The following ETFA variants were observed in gnomAD, a reference collection of about 807,000 sequenced individuals.
ETFA encodes electron transfer flavoprotein subunit alpha.
A neutral mutation model predicts 46.2 loss-of-function variants in ETFA; 22 were observed. The observed-to-expected ratio is 0.48, with a 90% CI of 0.34 to 0.68. The LOEUF is 0.68. ETFA is among the 30% of genes least tolerant of loss of function. The pLI, the probability that ETFA is intolerant of heterozygous loss-of-function variation, is 0.01. For missense variants in ETFA, 345 were observed against 401.1 expected, an observed-to-expected ratio of 0.86 and a Z score of 1.19; for synonymous variants, 131 against 139.9, an observed-to-expected ratio of 0.94 and a Z score of 0.45.
chr15:76,273,182 A>C (rs1250466995), intron 9 of ETFA, among the ~76,000 whole-genome samples: 1 of 152,178 alleles, frequency 6.6e-6, no homozygotes, highest in South Asian at 2.1e-4. Context: ...TGTAGGTTAT[A>C]TAAAAAACTC....
intron 9 of ETFA, among the ~76,000 whole-genome samples, chr15:76,256,262 GAAAAAA>G (rs59670988): frequency 1.0e-5 from 1 of 95,714 alleles, no homozygotes; most frequent in African/African-American, 3.8e-5. Context: ...CCGTCTCAAG[GAAAAAA>G]AAAAAAAAAA....
intron 4 of ETFA, among the ~76,000 whole-genome samples, chr15:76,288,413 T>C (rs962919356): frequency 1.3e-5 from 2 of 151,952 alleles, no homozygotes; most frequent in African/African-American, 2.4e-5. Flanking sequence ...ATTGATATTG[T>C]ATAAAAAAAA....
At chr15:76,222,935 C>T (rs764942094) in intron 11 of ETFA, among the ~76,000 whole-genome samples, 4 of 151,688 alleles carry the variant, frequency 2.6e-5, no homozygotes, top group Non-Finnish European at 5.9e-5. Context: ...CCTGGGCCCA[C>T]GTGAACCTCC....
intron 11 of ETFA, among the ~76,000 whole-genome samples, chr15:76,219,575 C>A (rs1200511359): frequency 1.3e-5 from 2 of 152,204 alleles, no homozygotes; most frequent in Non-Finnish European, 2.9e-5. Flanking sequence ...GAAATCATAT[C>A]TCTGATAAGT....
At chr15:76,301,537 C>T (rs3927264) in intron 1 of ETFA, among the ~76,000 whole-genome samples, 42,951 of 151,916 alleles carry the variant, frequency 0.28, 6,483 homozygotes, top group East Asian at 0.57. Flanking sequence ...AGAGTGAAAC[C>T]CCATTTCTCC....
intron 9 of ETFA, among the ~76,000 whole-genome samples, chr15:76,232,331 T>G (rs936490726): frequency 6.6e-6 from 1 of 152,352 alleles, no homozygotes; most frequent in Non-Finnish European, 1.5e-5. Context: ...TTACCAGGTA[T>G]GATTAAAGCT....
chr15:76,225,699 C>A (rs1316220354), intron 11 of ETFA, 150 bp downstream of exon 11: 3 of 695,312 alleles, frequency 4.3e-6, no homozygotes, highest in Non-Finnish European at 5.2e-6. Flanking sequence ...TTAAGTAGGT[C>A]AAAATTGTGT....
chr15:76,309,003 T>G (rs1246825551), intron 1 of ETFA, among the ~76,000 whole-genome samples: 1 of 152,254 alleles, frequency 6.6e-6, no homozygotes, highest in Non-Finnish European at 1.5e-5. Context: ...GTACTATTCT[T>G]GCAACTTTTC....
chr15:76,251,603 C>T (rs11634472), intron 9 of ETFA, among the ~76,000 whole-genome samples: 43,336 of 152,018 alleles, frequency 0.29, 6,588 homozygotes, highest in East Asian at 0.57. Flanking sequence ...CTAGTCATTC[C>T]GCACAGGTGT....
At chr15:76,259,637 T>C in intron 9 of ETFA, 4 of 892,966 alleles carry the variant, frequency 4.5e-6, no homozygotes. Context: ...TGACGGGCAA[T>C]TTGGAGGCAC....
chr15:76,272,416 T>G (rs1416690161), intron 9 of ETFA, among the ~76,000 whole-genome samples: 2 of 152,042 alleles, frequency 1.3e-5, no homozygotes, highest in Non-Finnish European at 2.9e-5. Context: ...GAGACGGGGT[T>G]TCACCATATT....
chr15:76,240,420 C>A (rs1269850165), intron 9 of ETFA, among the ~76,000 whole-genome samples: 1 of 152,206 alleles, frequency 6.6e-6, no homozygotes, highest in Non-Finnish European at 1.5e-5. Flanking sequence ...ATATAGGGAA[C>A]TAAGCAAATG....
chr15:76,258,162 A>G (rs1029049547), intron 9 of ETFA, among the ~76,000 whole-genome samples: 6 of 143,406 alleles, frequency 4.2e-5, no homozygotes, highest in African/African-American at 1.4e-4. Context: ...CTAAAACTTA[A>G]AGTATAATAA....
chr15:76,228,518 G>C (rs1596189655), intron 10 of ETFA, among the ~76,000 whole-genome samples: 1 of 152,036 alleles, frequency 6.6e-6, no homozygotes, highest in Admixed American at 6.6e-5. Flanking sequence ...TTTAAAGAGA[G>C]AGCATATAAC....
Position 76,216,566 on chromosome 15 carries a change from T to G in ETFA, c.995A>C (p.Lys332Thr). Residue 332 changes from lysine to threonine, a missense_variant, in exon 12 of 12, where the codon AAA becomes ACA. Transcript: ENST00000557943. ...VVPEMTEILK[K>T]K ...TTAAGGCATGATCCTGATTCATTTT[T>G]TCTTCAATATCTCAGTCATTTCAGG... 6.3e-7 allele frequency: 1 copy of G among 1,583,484 alleles called. No individual in the cohort carries two copies. The highest frequency in any genetic ancestry group is 8.7e-7 in the Non-Finnish European group (1 of 1,152,206).
At chr15:76,261,399 G>C in intron 9 of ETFA, 1 of 1,305,202 alleles carries the variant, frequency 7.7e-7, no homozygotes, top group Non-Finnish European at 1.1e-6. Flanking sequence ...ACTTCAGGCT[G>C]AGGAAGCCGA....
chr15:76,229,771 A>G (rs1166455643), intron 10 of ETFA, among the ~76,000 whole-genome samples: 1 of 152,224 alleles, frequency 6.6e-6, no homozygotes, highest in Admixed American at 6.5e-5. Flanking sequence ...TCAAATTAGA[A>G]GAAGTTAAGC....
At chr15:76,243,270 CA>C (rs139381703) in intron 9 of ETFA, among the ~76,000 whole-genome samples, 11 of 139,370 alleles carry the variant, frequency 7.9e-5, no homozygotes, top group African/African-American at 8.1e-5. Flanking sequence ...GACTCCATCT[CA>C]AAAAAAAAAG....
At chr15:76,238,200 T>C (rs1001055404) in intron 9 of ETFA, among the ~76,000 whole-genome samples, 1 of 152,162 alleles carries the variant, frequency 6.6e-6, no homozygotes, top group Admixed American at 6.5e-5. Flanking sequence ...CACAGTAGAA[T>C]GGAGAGATTT....
Sources: allele counts gnomAD v4.1 joint callset (sites outside exome capture counted in the v4.1 genomes callset), GRCh38; gene constraint gnomAD v4.1.1; transcripts MANE v1.5; gene names NCBI Gene and HGNC (gene_info 2026-07-23, HGNC 2026-07-21).